The following PXN variants were observed in gnomAD, a reference collection of about 807,000 sequenced individuals.
The protein encoded by PXN is paxillin, also known as testicular tissue protein Li 134.
A neutral mutation model predicts 103.6 loss-of-function variants in PXN; 61 were observed. The ratio of observed to expected loss-of-function variants is 0.59; its 90% CI spans 0.48 to 0.73. The LOEUF (loss-of-function observed/expected upper bound fraction) is 0.73. PXN is among the 30% of genes least tolerant of loss of function. PXN has a pLI of 0.00. For synonymous variants in PXN, 562 were observed against 607.8 expected, an observed-to-expected ratio of 0.92 and a Z score of 1.11; for missense variants, 1,274 against 1,460.3, an observed-to-expected ratio of 0.87 and a Z score of 2.08.
Position 120,212,287 on chromosome 12 carries a change from AG to A in PXN, c.*26del, listed in dbSNP as rs1566343381. The A allele has an allele frequency of 1.9e-6, 3 of 1,601,198 alleles. No homozygotes were observed. ...CGCAGTTGGGGATGCTGGCTGGGGA[AG>A]GGGGGCAGAGACAGGGGCAGGGCAC... On this transcript the variant is annotated 3_prime_UTR_variant, in exon 15 of 15. Transcript: ENST00000637617. This position sits in a 1 kb window ranked among gnomAD's most constrained non-coding sequence, Gnocchi z 7.2.
rs996494948 is a variant in PXN, at chr12:120,216,427, G to A, written c.2147C>T (p.Ser716Leu). 7.3e-7 allele frequency: 1 copy of A among 1,374,190 alleles called. No homozygotes were observed. The highest frequency in any genetic ancestry group is 1.5e-5 in the African/African-American group (1 of 65,752). The allele number at this position is 1,374,190 out of a possible 1,614,324, so 85.1% of individuals were successfully genotyped here. ...CCCAGAAGAACCACAGGTATAAGCT[G>A]AGGGCCCCAGGGGGGAGGAGGCGAG... ...SLLASSPLGP[S>L]AYTCGSSGVQ... The change falls in exon 9 of 15, where the codon TCA becomes TTA. Residue 716 changes from serine (S) to leucine (L), a missense_variant. By Grantham distance (145) the Ser-to-Leu change is moderately radical (BLOSUM62 -2). This residue lies in a region of PXN where 1,178 missense variants were observed against 1,309.0 expected (regional missense o/e 0.90). Transcript: ENST00000637617. This position sits in a 1 kb window ranked among gnomAD's most constrained non-coding sequence, Gnocchi z 5.1.
chr12:120,252,976 G>T (rs1430849794), intron 1 of PXN, among the ~76,000 whole-genome samples: 2 of 146,326 alleles, frequency 1.4e-5, no homozygotes, highest in Non-Finnish European at 3.0e-5. Context: ...TCCAGCCTGG[G>T]TGACGCAGTG....
chr12:120,247,267 T>A (rs1480304641), intron 1 of PXN, among the ~76,000 whole-genome samples: 1 of 152,200 alleles, frequency 6.6e-6, no homozygotes, highest in African/African-American at 2.4e-5. Context: ...CACAGATAGA[T>A]TCAGTATAAA....
Position 120,221,865 on chromosome 12 carries a change from C to A in PXN, c.696-107G>T. On this transcript the variant is annotated intron_variant, in intron 5 of 14. Transcript: ENST00000637617. This position sits in a 1 kb window ranked among gnomAD's most constrained non-coding sequence, Gnocchi z 6.6. ...ACACTGGGGTCTCACCATCCCCAAC[C>A]CCAGGGAGGTCCACCAGCTCCCTGT... 1 of 1,432,944 alleles carries A rather than the reference C, an allele frequency of 7.0e-7. No homozygotes were observed. The highest frequency in any genetic ancestry group is 2.6e-5 in the East Asian group (1 of 38,936). 88.8% of individuals were successfully genotyped at this position (1,432,944 alleles called of 1,614,324 possible). A position where few individuals can be genotyped will look rare whatever the true frequency, so the allele number is the denominator to read the frequency against.
intron 1 of PXN, among the ~76,000 whole-genome samples, chr12:120,263,075 A>G (rs1217958771): frequency 6.6e-6 from 1 of 152,130 alleles, no homozygotes. Context: ...TACCGGACAC[A>G]CCATAAACTC....
Position 120,213,351 on chromosome 12 carries a change from G to A in PXN, c.2979+491C>T, listed in dbSNP as rs1053616655. 2.0e-5 allele frequency among the ~76,000 whole-genome samples: 3 copies of A among 152,174 alleles called. No homozygotes were observed. The highest frequency in any genetic ancestry group is 7.2e-5 in the African/African-American group (3 of 41,448). Reference sequence around the variant, plus strand: ...GCCAAGATCGTGCCACTGCACACCAGTCTGGGCAACAGAGTGAGACTCCGT... The same window carrying A: ...GCCAAGATCGTGCCACTGCACACCAATCTGGGCAACAGAGTGAGACTCCGT... On this transcript the variant is annotated intron_variant, in intron 14 of 14. Transcript: ENST00000637617. The surrounding 1 kb of genome is among the most constrained non-coding windows in gnomAD (Gnocchi z 4.2).
At chr12:120,260,772 C>T (rs1178312670) in intron 1 of PXN, among the ~76,000 whole-genome samples, 1 of 152,158 alleles carries the variant, frequency 6.6e-6, no homozygotes, top group African/African-American at 2.4e-5. Flanking sequence ...TCAAGAACAG[C>T]CTGGGAAACA....
intron 1 of PXN, chr12:120,226,236 A>G: frequency 7.8e-7 from 1 of 1,276,600 alleles, no homozygotes; most frequent in Non-Finnish European, 1.0e-6. Flanking sequence ...CACCATGGGC[A>G]GGGCCAGCTA....
In PXN at chr12:120,224,769, G is replaced by A. The variant is rs1301668023; in HGVS notation, c.14-392C>T. ...AGAGAATGGGCGGGAGGGGCCCCAC[G>A]TCACAGGGAGGGGCCCTGGCTATGC... On this transcript the variant is annotated intron_variant, in intron 1 of 14. Transcript: ENST00000637617. The surrounding 1 kb of genome is among the most constrained non-coding windows in gnomAD (Gnocchi z 5.0). The A allele has an allele frequency of 2.1e-5, 10 of 480,026 alleles. No individual in the cohort carries two copies. The highest frequency in any genetic ancestry group is 3.3e-4 in the Middle Eastern group (1 of 3,020). The allele number at this position is 480,026 out of a possible 1,614,324, so 29.7% of individuals were successfully genotyped here. A position where few individuals can be genotyped will look rare whatever the true frequency, so the allele number is the denominator to read the frequency against.
chr12:120,218,628 G>A (rs1032515573), intron 7 of PXN, among the ~76,000 whole-genome samples: 7 of 151,952 alleles, frequency 4.6e-5, no homozygotes, highest in Non-Finnish European at 7.4e-5. Flanking sequence ...CGCCCGCCTC[G>A]GCCTCCCAAA....
rs1290908871 is a variant in PXN at position 120,216,901 on chromosome 12, C to T, written c.1932G>A (p.Glu644=). Residue 644 remains glutamate (E), a synonymous_variant, in exon 8 of 15, where the codon GAG becomes GAA. Coordinates refer to ENST00000637617, the MANE Select transcript of PXN (RefSeq NM_001385981.1). This position sits in a 1 kb window ranked among gnomAD's most constrained non-coding sequence, Gnocchi z 5.1. ...GTGGCTGCACAGTGATGATGACGCC[C>T]TCGGTCAGCCAGTCCTGGGCAGAGG... ...AGPSAQDWLT[E]GVIITVQPRG... The T allele has an allele frequency of 6.6e-7, 1 of 1,518,642 alleles. No homozygotes were observed. Among genetic ancestry groups the T allele is most frequent in the Non-Finnish European group, 8.8e-7 (1 of 1,137,094 alleles). The allele number at this position is 1,518,642 out of a possible 1,614,324, so 94.1% of individuals were successfully genotyped here.
intron 1 of PXN, among the ~76,000 whole-genome samples, chr12:120,235,621 G>C (rs1463963876): frequency 2.0e-5 from 3 of 152,098 alleles, no homozygotes; most frequent in African/African-American, 4.8e-5. Context: ...GGGCCTGCTG[G>C]GTTCCGCTCT....
At chr12:120,254,287 A>G (rs1382867837) in intron 1 of PXN, among the ~76,000 whole-genome samples, 3 of 152,222 alleles carry the variant, frequency 2.0e-5, no homozygotes, top group African/African-American at 7.2e-5. Context: ...GTCAAAGAAT[A>G]CTAAGTAGCA....
At chr12:120,248,175 A>G (rs976136726) in intron 1 of PXN, among the ~76,000 whole-genome samples, 1 of 152,178 alleles carries the variant, frequency 6.6e-6, no homozygotes, top group Non-Finnish European at 1.5e-5. Flanking sequence ...GGTGAAGAGC[A>G]GGAGGACAGA....
rs1264641432 is a variant in PXN at position 120,211,986 on chromosome 12, A to G, written c.*328T>C. The G allele has an allele frequency of 1.7e-6, 1 of 599,072 alleles. No homozygotes were observed. The highest frequency in any genetic ancestry group is 1.4e-5 in the South Asian group (1 of 72,290). 37.1% of individuals were successfully genotyped at this position (599,072 alleles called of 1,614,324 possible). A position where few individuals can be genotyped will look rare whatever the true frequency, so the allele number is the denominator to read the frequency against. On this transcript the variant is annotated 3_prime_UTR_variant, in exon 15 of 15. Coordinates refer to ENST00000637617, the MANE Select transcript of PXN (RefSeq NM_001385981.1). ...GCTGCACTGCTGAAATATGAGGAAG[A>G]GATGGCTCCAGTGTGGGGTGCTGGC...
chr12:120,256,607 AT>A (rs1461350303), intron 1 of PXN, among the ~76,000 whole-genome samples: 22 of 152,108 alleles, frequency 1.4e-4, no homozygotes, highest in African/African-American at 5.3e-4. Context: ...AATAGAGGCC[AT>A]CCTTGAGGAT....
chr12:120,212,453 C>T lies in PXN; in HGVS notation c.3107G>A (p.Cys1036Tyr). The stretch of plus-strand genomic sequence containing the variant: ...GAACTTCTTGGCCATGGCGGTGATG[C>T]AGCGGCCGGTGATGGGCTTCTGGCA... Reference protein sequence around the residue: ...SGCQKPITGRCITAMAKKFHP... With the variant: ...SGCQKPITGRYITAMAKKFHP... The change falls in exon 15 of 15, where the codon TGC becomes TAC. Residue 1036 changes from cysteine to tyrosine, a missense_variant. Cys to Tyr is a radical substitution (Grantham distance 194, BLOSUM62 -2). This residue lies in a region of PXN where 96 missense variants were observed against 151.3 expected (regional missense o/e 0.63). Coordinates refer to ENST00000637617, the MANE Select transcript of PXN (RefSeq NM_001385981.1). This position sits in a 1 kb window ranked among gnomAD's most constrained non-coding sequence, Gnocchi z 7.2. 6.2e-7 allele frequency: 1 copy of T among 1,614,000 alleles called. No homozygotes were observed. Among genetic ancestry groups the T allele is most frequent in the Non-Finnish European group, 8.5e-7 (1 of 1,179,886 alleles).
In PXN at chr12:120,212,610, C is replaced by A. The variant is rs1425415038; in HGVS notation, c.2980-30G>T. ...CAGGCGGAGAGAGGGGCTCAGGGAGCTGCCCCTCGGGCTAGAGCTGCACCC... is the reference window on the plus strand; with the variant it reads ...CAGGCGGAGAGAGGGGCTCAGGGAGATGCCCCTCGGGCTAGAGCTGCACCC... On this transcript the variant is annotated intron_variant, in intron 14 of 14. Transcript: ENST00000637617. This position sits in a 1 kb window ranked among gnomAD's most constrained non-coding sequence, Gnocchi z 7.2. 1 of 1,599,760 alleles carries A rather than the reference C, an allele frequency of 6.3e-7. No homozygotes were observed. The highest frequency in any genetic ancestry group is 1.3e-5 in the African/African-American group (1 of 74,788).
chr12:120,241,947 T>C (rs185424229), intron 1 of PXN, among the ~76,000 whole-genome samples: 16 of 152,252 alleles, frequency 1.1e-4, no homozygotes, highest in Admixed American at 2.6e-4. Context: ...GTAAAATCAA[T>C]GTTACCTGGA....
Sources: gnomAD v4.1 joint callset for allele counts (sites outside exome capture counted in the v4.1 genomes callset) on GRCh38, gnomAD v4.1.1 for gene constraint, gnomAD v4.1.1 regional missense constraint, Gnocchi (gnomAD v3.1) non-coding constraint, MANE v1.5 for transcripts, NCBI Gene and HGNC (gene_info 2026-07-23, HGNC 2026-07-21) for gene names.